TBC1D5: variants seen among roughly 807,000 people sequenced by gnomAD.
TBC1D5 encodes the protein TBC1 domain family, member 5.
A neutral mutation model predicts 100.3 loss-of-function variants in TBC1D5; 75 were observed. That is an observed-to-expected ratio of 0.75 (90% CI 0.62 to 0.91). The LOEUF is 0.91. Ranked by LOEUF, TBC1D5 falls within the 40% of genes least tolerant of loss-of-function variation. The pLI is 0.00. For missense variants in TBC1D5, 910 were observed against 942.4 expected, an observed-to-expected ratio of 0.97 and a Z score of 0.45; for synonymous variants, 323 against 325.6, an observed-to-expected ratio of 0.99 and a Z score of 0.09.
At chr3:17,352,827 C>G (rs541076756) in intron 13 of TBC1D5, among the ~76,000 whole-genome samples, 2 of 152,028 alleles carry the variant, frequency 1.3e-5, no homozygotes, top group South Asian at 4.1e-4. Context: ...TAAAACATGC[C>G]TTTTCATCGA....
At chr3:17,565,301 G>T (rs1204951782) in intron 2 of TBC1D5, among the ~76,000 whole-genome samples, 2 of 152,082 alleles carry the variant, frequency 1.3e-5, no homozygotes, top group Admixed American at 6.6e-5. Flanking sequence ...AGGAGTATCA[G>T]TTAATTATGT....
At chr3:17,738,405 T>C (rs778252052) in intron 1 of TBC1D5, among the ~76,000 whole-genome samples, 2 of 151,864 alleles carry the variant, frequency 1.3e-5, no homozygotes, top group Non-Finnish European at 1.5e-5. Flanking sequence ...ACACACACTC[T>C]CTCTCTCTCT....
At chr3:17,418,328 C>T (rs1575806502) in intron 4 of TBC1D5, among the ~76,000 whole-genome samples, 2 of 152,106 alleles carry the variant, frequency 1.3e-5, no homozygotes, top group East Asian at 3.9e-4. Context: ...TCAAACATCG[C>T]TGGGTGCAGT....
rs1491538980 is a variant in TBC1D5 at position 17,463,943 on chromosome 3, C to CGT, written c.98-35425_98-35424insAC. The stretch of plus-strand genomic sequence containing the variant: ...CAATCAATACTAGCATTCCTTATTC[C>CGT]TTTTTTTTTTTTTTTTTTTTTTTTT... On this transcript the variant is annotated intron_variant, in intron 3 of 21. Coordinates refer to ENST00000253692, the Ensembl canonical transcript of TBC1D5. Among the ~76,000 whole-genome samples the CGT allele has an allele frequency of 1.0e-4, 9 of 87,530 alleles. No homozygotes were observed. The South Asian group carries it at 3.9e-3, about 38-fold the overall frequency. 57.4% of individuals were successfully genotyped at this position (87,530 alleles called of 152,430 possible).
intron 3 of TBC1D5, among the ~76,000 whole-genome samples, chr3:17,474,644 T>C (rs1559967474): frequency 6.6e-6 from 1 of 152,176 alleles, no homozygotes; most frequent in Non-Finnish European, 1.5e-5. Context: ...ATAAAAACTT[T>C]ATGTTCAACC....
chr3:17,277,315 G>A lies in TBC1D5; in HGVS notation c.1245+14580C>T, dbSNP rs542807998. ...GTTCACACTATCACTCTAATCCTTTGAACTGGCTCTTTTGACAGGTTTCCT... is the reference window on the plus strand; with the variant it reads ...GTTCACACTATCACTCTAATCCTTTAAACTGGCTCTTTTGACAGGTTTCCT... On this transcript the variant is annotated intron_variant, in intron 15 of 21. Coordinates refer to ENST00000253692, the Ensembl canonical transcript of TBC1D5. Among the ~76,000 whole-genome samples, 247 of 152,026 alleles carry A rather than the reference G, an allele frequency of 1.6e-3. 2 individuals carry two copies. The highest frequency in any genetic ancestry group is 5.7e-3 in the African/African-American group (238 of 41,404).
intron 1 of TBC1D5, among the ~76,000 whole-genome samples, chr3:17,632,947 G>A (rs2063615401): frequency 6.6e-6 from 1 of 151,978 alleles, no homozygotes; most frequent in South Asian, 2.1e-4. Context: ...TGCCTATAGT[G>A]ATAATACACC....
At chr3:17,406,673 AT>A in intron 4 of TBC1D5, 147 bp from the exon 5 acceptor site, 3 of 616,056 alleles carry the variant, frequency 4.9e-6, no homozygotes, top group Non-Finnish European at 8.2e-6. Context: ...TTCTGAACGC[AT>A]GGCTGTCTTT....
intron 2 of TBC1D5, among the ~76,000 whole-genome samples, chr3:17,613,785 A>C (rs1430287139): frequency 6.6e-6 from 1 of 152,230 alleles, no homozygotes; most frequent in Non-Finnish European, 1.5e-5. Context: ...TCTGGATATT[A>C]GCTCTTTGTC....
chr3:17,640,274 T>A (rs1057191058), intron 1 of TBC1D5, among the ~76,000 whole-genome samples: 1 of 152,112 alleles, frequency 6.6e-6, no homozygotes, highest in African/African-American at 2.4e-5. Flanking sequence ...TTAAAAAAAA[T>A]CAACTTAAGA....
At chr3:17,315,095 A>G (rs548391419) in intron 13 of TBC1D5, among the ~76,000 whole-genome samples, 2 of 152,340 alleles carry the variant, frequency 1.3e-5, no homozygotes, top group Admixed American at 1.3e-4. Flanking sequence ...AGACCCATAC[A>G]TAGGAAGTTC....
chr3:17,483,445 T>C (rs984417006), intron 3 of TBC1D5, among the ~76,000 whole-genome samples: 13 of 152,226 alleles, frequency 8.5e-5, no homozygotes, highest in Non-Finnish European at 2.9e-5. Flanking sequence ...AATTACTTTT[T>C]AGGGGTGGGC....
intron 8 of TBC1D5, among the ~76,000 whole-genome samples, chr3:17,387,803 T>C (rs2093214664): frequency 6.6e-6 from 1 of 151,044 alleles, no homozygotes; most frequent in African/African-American, 2.4e-5. Flanking sequence ...GCAACAATCA[T>C]TCAGGTTTTG....
intron 3 of TBC1D5, among the ~76,000 whole-genome samples, chr3:17,434,534 C>A (rs930588178): frequency 1.2e-4 from 18 of 152,196 alleles, no homozygotes; most frequent in African/African-American, 4.3e-4. Context: ...CACTGTACCC[C>A]CTCCCAAATC....
chr3:17,263,910 T>A (rs2078598010), intron 15 of TBC1D5, among the ~76,000 whole-genome samples: 1 of 152,162 alleles, frequency 6.6e-6, no homozygotes, highest in Non-Finnish European at 1.5e-5. Context: ...TCGATCTAAG[T>A]TATAGTTAAC....
intron 15 of TBC1D5, among the ~76,000 whole-genome samples, chr3:17,269,816 GAC>G: frequency 6.6e-6 from 1 of 151,930 alleles, no homozygotes; most frequent in Middle Eastern, 3.4e-3. Flanking sequence ...TGCTGTAAAG[GAC>G]ACAGTTTCAT....
intron 3 of TBC1D5, among the ~76,000 whole-genome samples, chr3:17,450,601 C>A (rs1373666883): frequency 6.6e-6 from 1 of 152,030 alleles, no homozygotes; most frequent in Non-Finnish European, 1.5e-5. Context: ...CAAGTATCAA[C>A]AGCAGAATCG....
intron 14 of TBC1D5, 44 bp downstream of exon 14, chr3:17,307,948 T>C (rs777250286): frequency 1.3e-6 from 2 of 1,572,426 alleles, no homozygotes; most frequent in South Asian, 2.4e-5. Flanking sequence ...TTTTTGAAAA[T>C]CAGGAGTACC....
At position 17,347,073 on chromosome 3, in the gene TBC1D5, T is replaced by G. The variant is rs1023320832; in HGVS notation, c.995+25002A>C. 3.0e-4 allele frequency among the ~76,000 whole-genome samples: 45 copies of G among 152,356 alleles called. 1 individual carries two copies. The highest frequency in any genetic ancestry group is 1.0e-4 in the Non-Finnish European group (7 of 68,032). ...TTTAAATTATATACTTTTACATGTA[T>G]GTTTTACAACCTAAAGTTTTGTTTC... On this transcript the variant is annotated intron_variant, in intron 13 of 21. Coordinates refer to ENST00000253692, the Ensembl canonical transcript of TBC1D5.
Sources: gnomAD v4.1 joint callset for allele counts (sites outside exome capture counted in the v4.1 genomes callset) on GRCh38, gnomAD v4.1.1 for gene constraint, MANE v1.5 for transcripts, NCBI Gene and HGNC (gene_info 2026-07-23, HGNC 2026-07-21) for gene names.